NRXN1: variants seen among roughly 807,000 people sequenced by gnomAD.
NRXN1 encodes neurexin 1.
In NRXN1, 39 loss-of-function variants were observed where a neutral mutation model predicts 150.9. The ratio of observed to expected loss-of-function variants is 0.26; its 90% CI spans 0.20 to 0.34. NRXN1 has a LOEUF of 0.34. NRXN1 is among the 10% of genes least tolerant of loss of function. NRXN1 has a pLI of 1.00. For synonymous variants in NRXN1, 924 were observed against 757.0 expected (o/e 1.22, Z -3.62); for missense variants, 1,815 against 1,949.9 (o/e 0.93, Z 1.30).
At chr2:50,472,101 G>A (rs549915173) in intron 16 of NRXN1, among the ~76,000 whole-genome samples, 197 bp downstream of exon 16, 1 of 151,720 alleles carries the variant, frequency 6.6e-6, no homozygotes, top group African/African-American at 2.4e-5. Context: ...ATTTTACATT[G>A]GGCATTAATG....
At chr2:50,669,939 G>A (rs561890099) in intron 5 of NRXN1, among the ~76,000 whole-genome samples, 1 of 151,854 alleles carries the variant, frequency 6.6e-6, no homozygotes, top group African/African-American at 2.4e-5. Context: ...GCTACTGCTA[G>A]CATAATTTTC....
At chr2:50,148,462 A>T (rs1558976564) in intron 18 of NRXN1, among the ~76,000 whole-genome samples, 1 of 151,710 alleles carries the variant, frequency 6.6e-6, no homozygotes, top group African/African-American at 2.4e-5. Context: ...AGGGCAAAAA[A>T]AAACAAAGTC....
intron 18 of NRXN1, among the ~76,000 whole-genome samples, chr2:50,163,916 A>T (rs1227955422): frequency 6.6e-6 from 1 of 152,204 alleles, no homozygotes; most frequent in East Asian, 1.9e-4. Flanking sequence ...ACTTTGAGCT[A>T]AGTACACAGA....
intron 17 of NRXN1, among the ~76,000 whole-genome samples, chr2:50,303,915 G>A (rs2074383957): frequency 9.3e-6 from 1 of 107,388 alleles, no homozygotes; most frequent in Non-Finnish European, 2.0e-5. Flanking sequence ...CCTTAGCAGA[G>A]TCTTCTGTGG....
chr2:50,662,326 AC>A (rs975834818), intron 5 of NRXN1, among the ~76,000 whole-genome samples: 1 of 151,832 alleles, frequency 6.6e-6, no homozygotes, highest in African/African-American at 2.4e-5. Context: ...CTCAACACAT[AC>A]CCCCATTAGG....
At chr2:50,384,522 A>AAAT (rs1558640867) in intron 17 of NRXN1, among the ~76,000 whole-genome samples, 13 of 150,156 alleles carry the variant, frequency 8.7e-5, no homozygotes, top group East Asian at 2.0e-4. Context: ...AAAAAAAAAA[A>AAAT]AAAAAAAAAA....
At chr2:50,619,506 A>G (rs1443869449) in intron 8 of NRXN1, 2 of 159,274 alleles carry the variant, frequency 1.3e-5, no homozygotes, top group South Asian at 4.1e-4. Context: ...ACCAGATAAC[A>G]TTTACTTCCT....
rs1237853373 is a variant in NRXN1, at chr2:49,920,014, A to G, written c.*1930T>C. ...TTATCGTTCTTTTAGAAGGTATTCA[A>G]GTAATGCAACCAATTTTTCCTGAAA... On this transcript the variant is annotated 3_prime_UTR_variant, in exon 23 of 23. Coordinates refer to ENST00000401669, the MANE Select transcript of NRXN1 (RefSeq NM_001330078.2). The G allele has an allele frequency of 6.6e-6, 1 of 152,192 alleles. No individual in the cohort carries two copies. The highest frequency in any genetic ancestry group is 1.5e-5 in the Non-Finnish European group (1 of 68,008). 9.4% of individuals were successfully genotyped at this position (152,192 alleles called of 1,614,324 possible). A position where few individuals can be genotyped will look rare whatever the true frequency, so the allele number is the denominator to read the frequency against.
chr2:50,860,314 A>T (rs1283852157), intron 5 of NRXN1, among the ~76,000 whole-genome samples: 1 of 151,990 alleles, frequency 6.6e-6, no homozygotes, highest in Non-Finnish European at 1.5e-5. Flanking sequence ...TACTTGCTTG[A>T]TTTTTAAGAA....
chr2:50,285,874 A>AC, intron 17 of NRXN1, among the ~76,000 whole-genome samples: 1 of 151,950 alleles, frequency 6.6e-6, no homozygotes, highest in Non-Finnish European at 1.5e-5. Flanking sequence ...AAAACAAAAA[A>AC]AAAACTTGAA....
chr2:50,578,404 A>T (rs1671757348), intron 8 of NRXN1, among the ~76,000 whole-genome samples: 2 of 152,168 alleles, frequency 1.3e-5, no homozygotes, highest in Non-Finnish European at 2.9e-5. Context: ...ATAACTTTTT[A>T]AAAAATTTGT....
chr2:50,914,818 T>A (rs1279297215), intron 5 of NRXN1, among the ~76,000 whole-genome samples: 2 of 151,552 alleles, frequency 1.3e-5, no homozygotes, highest in African/African-American at 4.8e-5. Flanking sequence ...AAAGGAAACT[T>A]GACAAACTTG....
chr2:50,560,459 T>TCG (rs1553791714), intron 8 of NRXN1, among the ~76,000 whole-genome samples: 1 of 150,072 alleles, frequency 6.7e-6, no homozygotes, highest in African/African-American at 2.5e-5. Context: ...TTTATTTACT[T>TCG]AGAAGCCGTC....
intron 17 of NRXN1, among the ~76,000 whole-genome samples, chr2:50,384,927 G>C (rs1211607542): frequency 6.6e-6 from 1 of 151,960 alleles, no homozygotes; most frequent in African/African-American, 2.4e-5. Flanking sequence ...CTTAATCTTG[G>C]AACAGCCTTC....
chr2:50,272,934 A>C (rs538204964), intron 17 of NRXN1, among the ~76,000 whole-genome samples: 63 of 152,246 alleles, frequency 4.1e-4, no homozygotes, highest in Admixed American at 3.4e-3. Context: ...ACAACCAATA[A>C]GATAAAACCC....
chr2:50,600,395 G>A (rs112780367), intron 8 of NRXN1, among the ~76,000 whole-genome samples: 4,334 of 148,162 alleles, frequency 0.029, 214 homozygotes, highest in African/African-American at 0.1. Flanking sequence ...TGCCATCTTG[G>A]CTCACTGCAA....
intron 17 of NRXN1, among the ~76,000 whole-genome samples, chr2:50,396,248 C>A (rs775000618): frequency 5.3e-5 from 8 of 152,160 alleles, no homozygotes; most frequent in Non-Finnish European, 1.2e-4. Context: ...TTTAAAGTAA[C>A]ATTATTCCTA....
chr2:50,630,938 A>G (rs1682199723), intron 5 of NRXN1, among the ~76,000 whole-genome samples: 2 of 151,782 alleles, frequency 1.3e-5, no homozygotes, highest in African/African-American at 2.4e-5. Flanking sequence ...CTGCTATAAG[A>G]TAAAACAACT....
At chr2:50,352,977 A>G (rs966332032) in intron 17 of NRXN1, among the ~76,000 whole-genome samples, 36 of 152,090 alleles carry the variant, frequency 2.4e-4, no homozygotes, top group African/African-American at 8.7e-4. Flanking sequence ...TGGTGAATTC[A>G]GTCAACTTAG....
Sources: gnomAD v4.1 joint callset for allele counts (sites outside exome capture counted in the v4.1 genomes callset) on GRCh38, gnomAD v4.1.1 for gene constraint, MANE v1.5 for transcripts, NCBI Gene and HGNC (gene_info 2026-07-23, HGNC 2026-07-21) for gene names.